The following PARP1 variants were observed in gnomAD, a reference collection of about 807,000 sequenced individuals.
PARP1 encodes poly(ADP-ribose) polymerase 1, also known as poly [ADP-ribose] polymerase 1.
Under a neutral mutation model 118.7 loss-of-function variants are expected in PARP1, and 44 were observed. That is an observed-to-expected ratio of 0.37 (90% CI 0.29 to 0.48). The LOEUF (loss-of-function observed/expected upper bound fraction) is 0.48. Ranked by LOEUF, PARP1 falls within the 20% of genes least tolerant of loss-of-function variation. The pLI, the probability that PARP1 is intolerant of heterozygous loss-of-function variation, is 0.99. For missense variants in PARP1, 1,100 were observed against 1,272.4 expected (o/e 0.86, Z 2.06); for synonymous variants, 492 against 483.2 (o/e 1.02, Z -0.24).
In PARP1 at chr1:226,379,636, T is replaced by A. The variant is rs1223076560; in HGVS notation, c.1549A>T (p.Asn517Tyr). ...AATTTCATTCTCTTTTCAGATTTGTTGATACCTTGGAGGAGAACAGAAAAA... is the reference window on the plus strand; with the variant it reads ...AATTTCATTCTCTTTTCAGATTTGTAGATACCTTGGAGGAGAACAGAAAAA... Reference protein sequence around the residue: ...SKGQVKEEGINKSEKRMKLTL... With the variant: ...SKGQVKEEGIYKSEKRMKLTL... Residue 517 changes from asparagine (N) to tyrosine (Y), a missense_variant, in exon 11 of 23, where the codon AAC becomes TAC. By Grantham distance (143) the Asn-to-Tyr change is moderately radical. Coordinates refer to ENST00000366794, the MANE Select transcript of PARP1 (RefSeq NM_001618.4). The A allele has an allele frequency of 6.2e-7, 1 of 1,608,546 alleles. No homozygotes were observed. Among genetic ancestry groups the A allele is most frequent in the Non-Finnish European group, 8.5e-7 (1 of 1,176,078 alleles).
chr1:226,366,450 G>A (rs184290976), intron 17 of PARP1: 2 of 265,286 alleles, frequency 7.5e-6, no homozygotes, highest in Admixed American at 4.9e-5. Context: ...CAGCTATGAT[G>A]TGCAATGAAA....
chr1:226,390,149 G>A (rs1290633410), intron 4 of PARP1, among the ~76,000 whole-genome samples: 2 of 152,150 alleles, frequency 1.3e-5, no homozygotes, highest in East Asian at 3.9e-4. Flanking sequence ...CTCAGATGTT[G>A]GAAGGGGAAT....
chr1:226,363,360 G>A (rs916603413), intron 20 of PARP1, among the ~76,000 whole-genome samples, 200 bp from the exon 21 acceptor site: 3 of 152,152 alleles, frequency 2.0e-5, no homozygotes, highest in Non-Finnish European at 4.4e-5. Context: ...AACATAGTTT[G>A]TGCCCAGCGA....
chr1:226,380,995 C>T (rs1367758279), intron 9 of PARP1, 73 bp downstream of exon 9: 1 of 1,549,260 alleles, frequency 6.5e-7, no homozygotes, highest in Non-Finnish European at 8.9e-7. Context: ...TCGACTCTTC[C>T]TCACTTACTC....
In PARP1 at chr1:226,407,919, G is replaced by A. The variant is rs1347824092; in HGVS notation, c.11C>T (p.Ser4Phe). The change falls in exon 1 of 23, where the codon TCT becomes TTT. Residue 4 changes from serine (S) to phenylalanine (F), a missense_variant. This residue lies in a region of PARP1 where 948 missense variants were observed against 1,031.8 expected (regional missense o/e 0.92). Transcript: ENST00000366794. The part of the protein sequence containing the change: MAE[S>F]SDKLYRVEYA... ...CTCGACTCGATAGAGCTTATCCGAA[G>A]ACTCCGCCATCCTCCCCTAGCTGCC... is the stretch of plus-strand genomic sequence containing the variant. 1.9e-6 allele frequency: 3 copies of A among 1,612,282 alleles called. No individual in the cohort carries two copies. Among genetic ancestry groups the A allele is most frequent in the Non-Finnish European group, 2.5e-6 (3 of 1,179,120 alleles).
At chr1:226,379,018 T>C (rs1664548488) in intron 12 of PARP1, 124 bp downstream of exon 12, 1 of 1,173,386 alleles carries the variant, frequency 8.5e-7, no homozygotes, top group Non-Finnish European at 1.3e-6. Flanking sequence ...TTTTGATCTC[T>C]GTGATTAGAT....
Position 226,379,284 on chromosome 1 carries a change from A to T in PARP1, c.1613-10T>A, listed in dbSNP as rs1247260291. ...GCAGAGTGTTCCAGTCCTGTCCCAGAGGAAAAGCACCTACAGTTTTCTCTC... is the reference window on the plus strand; with the variant it reads ...GCAGAGTGTTCCAGTCCTGTCCCAGTGGAAAAGCACCTACAGTTTTCTCTC... On this transcript the variant is annotated splice_polypyrimidine_tract_variant and intron_variant, in intron 11 of 22. Transcript: ENST00000366794. 24 of 1,614,106 alleles carry T rather than the reference A, an allele frequency of 1.5e-5. No individual in the cohort carries two copies. The highest frequency in any genetic ancestry group is 1.9e-5 in the Non-Finnish European group (23 of 1,180,046).
chr1:226,363,047 T>C, intron 21 of PARP1, 52 bp downstream of exon 21: 1 of 1,292,090 alleles, frequency 7.7e-7, no homozygotes, highest in Non-Finnish European at 1.1e-6. Context: ...CCCCGGCTTC[T>C]GTGCTGTCCA....
Position 226,381,202 on chromosome 1 carries a change from G to A in PARP1, c.1166C>T (p.Pro389Leu). Residue 389 changes from proline (P) to leucine (L), a missense_variant, in exon 9 of 23, where the codon CCA becomes CTA. Around this residue, in one of 2 missense-constraint regions of PARP1, gnomAD observed 948 missense variants for 1,031.8 expected, o/e 0.92. Coordinates refer to ENST00000366794, the MANE Select transcript of PARP1 (RefSeq NM_001618.4). ...AGTCAGGATCTTCATGTTGGATAAT[G>A]GCTTATCTGGGATGAAAGGAGAGAA... ...AVNSSASADKPLSNMKILTLG... is the reference protein window; with the variant it reads ...AVNSSASADKLLSNMKILTLG... 1 of 1,614,148 alleles carries A rather than the reference G, an allele frequency of 6.2e-7. No individual in the cohort carries two copies. The highest frequency in any genetic ancestry group is 1.1e-5 in the South Asian group (1 of 91,078).
At position 226,363,041 on chromosome 1, in the gene PARP1, G is replaced by A. The variant is rs553715094; in HGVS notation, c.2848+58C>T. The A allele has an allele frequency of 2.6e-5, 32 of 1,224,678 alleles. No individual in the cohort carries two copies. The Middle Eastern group carries it at 5.7e-4, about 22-fold the overall frequency. 75.9% of individuals were successfully genotyped at this position (1,224,678 alleles called of 1,614,324 possible). ...AGCCTTCTCAGGACAGCAAGCCCCCGGCTTCTGTGCTGTCCAGGGTGCCTC... is the reference window on the plus strand; with the variant it reads ...AGCCTTCTCAGGACAGCAAGCCCCCAGCTTCTGTGCTGTCCAGGGTGCCTC... On this transcript the variant is annotated intron_variant, in intron 21 of 22. Coordinates refer to ENST00000366794, the MANE Select transcript of PARP1 (RefSeq NM_001618.4).
chr1:226,370,836 T>C (rs879503607), intron 14 of PARP1: 1 of 378,968 alleles, frequency 2.6e-6, no homozygotes, highest in Non-Finnish European at 5.1e-6. Flanking sequence ...CCAATTCTGA[T>C]GTGCAGATGA....
At chr1:226,402,708 T>C (rs1411787816) in intron 1 of PARP1, among the ~76,000 whole-genome samples, 1 of 152,220 alleles carries the variant, frequency 6.6e-6, no homozygotes, top group Non-Finnish European at 1.5e-5. Context: ...CACTGCTACA[T>C]TTAGTGGTGA....
Position 226,363,947 on chromosome 1 carries a change from T to A in PARP1, c.2782A>T (p.Asn928Tyr). The change falls in exon 20 of 23, where the codon AAC becomes TAC. Residue 928 changes from asparagine to tyrosine, a missense_variant. Asn to Tyr is a moderately radical substitution (Grantham distance 143). Around this residue, in one of 2 missense-constraint regions of PARP1, gnomAD observed 152 missense variants for 240.6 expected, o/e 0.63. Transcript: ENST00000366794. ...CCCAGAGCCAGGTTTACTCACATGT[T>A]TCCAAGGGCAACTTCTCCCAACAGG... is the stretch of plus-strand genomic sequence containing the variant. Reference protein sequence around the residue: ...LILLGEVALGNMYELKHASHI... With the variant: ...LILLGEVALGYMYELKHASHI... 6.2e-7 allele frequency: 1 copy of A among 1,613,878 alleles called. No individual in the cohort carries two copies.
chr1:226,379,986 C>G lies in PARP1; in HGVS notation c.1479G>C (p.Val493=). The part of the protein sequence containing the change: ...AEVKAEPVEV[V]APRGKSGAAL... ...CAGCCCCTGACTTCCCTCTTGGGGC[C>G]ACAACTTCAACAGGCTCTGCCTTCA... The change falls in exon 10 of 23, where the codon GTG becomes GTC. Residue 493 remains valine (V), a synonymous_variant. Coordinates refer to ENST00000366794, the MANE Select transcript of PARP1 (RefSeq NM_001618.4). 4 of 1,614,202 alleles carry G rather than the reference C, an allele frequency of 2.5e-6. No individual in the cohort carries two copies. Among genetic ancestry groups the G allele is most frequent in the Non-Finnish European group, 3.4e-6 (4 of 1,180,032 alleles).
Position 226,363,143 on chromosome 1 carries a change from G to A in PARP1, c.2804C>T (p.Ala935Val), listed in dbSNP as rs1030741160. 1 of 1,613,290 alleles carries A rather than the reference G, an allele frequency of 6.2e-7. No individual in the cohort carries two copies. Among genetic ancestry groups the A allele is most frequent in the Non-Finnish European group, 8.5e-7 (1 of 1,179,320 alleles). ...ALGNMYELKH[A>V]SHISKLPKGK... ...CTTGGGTAACTTGCTGATATGTGAA[G>A]CGTGCTTCAGTTCATACCTATTCAA... is the stretch of plus-strand genomic sequence containing the variant. The change falls in exon 21 of 23, where the codon GCT becomes GTT. Residue 935 changes from alanine (A) to valine (V), a missense_variant. Physicochemically the swap from Ala to Val is moderately conservative, Grantham distance 64. Around this residue, in one of 2 missense-constraint regions of PARP1, gnomAD observed 152 missense variants for 240.6 expected, o/e 0.63. Coordinates refer to ENST00000366794, the MANE Select transcript of PARP1 (RefSeq NM_001618.4).
intron 20 of PARP1, among the ~76,000 whole-genome samples, chr1:226,363,557 T>G (rs1238895108): frequency 6.6e-6 from 1 of 152,198 alleles, no homozygotes; most frequent in Non-Finnish European, 1.5e-5. Context: ...TCTTTCTCTA[T>G]GGAGAATCTG....
chr1:226,373,776 A>G (rs562115108), intron 14 of PARP1, among the ~76,000 whole-genome samples: 42 of 152,276 alleles, frequency 2.8e-4, no homozygotes, highest in Admixed American at 2.7e-3. Flanking sequence ...TTGGGCCACA[A>G]AGGAAGCATG....
At chr1:226,365,923 A>G (rs750828710) in intron 18 of PARP1, 31 bp downstream of exon 18, 16 of 1,440,486 alleles carry the variant, frequency 1.1e-5, no homozygotes, top group Non-Finnish European at 1.6e-5. Context: ...GGCAGGACAC[A>G]GAAGGAAGTG....
chr1:226,389,617 A>G (rs929381564), intron 4 of PARP1, among the ~76,000 whole-genome samples: 1 of 152,174 alleles, frequency 6.6e-6, no homozygotes, highest in South Asian at 2.1e-4. Flanking sequence ...CCTATATCAC[A>G]TGCTGCAATG....
Sources: gnomAD v4.1 joint callset for allele counts (sites outside exome capture counted in the v4.1 genomes callset) on GRCh38, gnomAD v4.1.1 for gene constraint, gnomAD v4.1.1 regional missense constraint, MANE v1.5 for transcripts, NCBI Gene and HGNC (gene_info 2026-07-23, HGNC 2026-07-21) for gene names.